Variants in NEB observed in about 807,000 individuals in gnomAD.
NEB encodes nebulin, also known as nemaline myopathy type 2.
NEB carries 512 observed loss-of-function variants against 952.2 expected under a neutral mutation model. The observed-to-expected ratio is 0.54, with a 90% CI of 0.50 to 0.58. The LOEUF (loss-of-function observed/expected upper bound fraction) is 0.58. NEB is among the 20% of genes least tolerant of loss of function. The pLI is 0.00. For missense variants in NEB, 8,428 were observed against 9,231.1 expected (o/e 0.91, Z 3.56); for synonymous variants, 2,900 against 3,149.8 (o/e 0.92, Z 2.66).
chr2:151,727,312 C>A (rs1392201377), intron 5 of NEB, among the ~76,000 whole-genome samples: 2 of 152,140 alleles, frequency 1.3e-5, no homozygotes, highest in Non-Finnish European at 2.9e-5. Flanking sequence ...GTTAGCTAGT[C>A]TACTAAGAAG....
At chr2:151,709,448 C>A (rs2099737335) in intron 12 of NEB, among the ~76,000 whole-genome samples, 1 of 152,110 alleles carries the variant, frequency 6.6e-6, no homozygotes, top group Non-Finnish European at 1.5e-5. Context: ...TTTTAGTAGC[C>A]CCATTATAAT....
chr2:151,689,940 A>T (rs1196408462), intron 24 of NEB: 1 of 152,240 alleles, frequency 6.6e-6, no homozygotes, highest in African/African-American at 2.4e-5. Context: ...ATAGTAGGAC[A>T]AACTGTATCT....
intron 179 of NEB, 80 bp from the exon 180 acceptor site, chr2:151,490,598 G>C (rs1302288461): frequency 1.3e-6 from 2 of 1,491,002 alleles, no homozygotes; most frequent in African/African-American, 2.8e-5. Context: ...TTGAATCTCA[G>C]TTATTGTTAT....
chr2:151,568,084 T>A lies in NEB; in HGVS notation c.17831A>T (p.Asp5944Val). 6.2e-7 allele frequency: 1 copy of A among 1,613,322 alleles called. No individual in the cohort carries two copies. The highest frequency in any genetic ancestry group is 8.5e-7 in the Non-Finnish European group (1 of 1,179,526). ...VPFVHAHHCN[D>V]VQSELKYKAE... is the part of the protein sequence containing the mutation. ...AGGATGTATTACCTCACTCTGAACGTCATTGCAGTGATGGGCATGAACAAA... is the reference window on the plus strand; with the variant it reads ...AGGATGTATTACCTCACTCTGAACGACATTGCAGTGATGGGCATGAACAAA... The change falls in exon 113 of 182, where the codon GAC (aspartate) becomes GTC (valine). Residue 5944 changes from aspartate (D) to valine (V), a missense_variant. Asp to Val is a radical substitution (Grantham distance 152). Coordinates refer to ENST00000397345, the MANE Select transcript of NEB (RefSeq NM_001164508.2).
rs777492745 is a variant in NEB at position 151,671,117 on chromosome 2, T to G, written c.4412A>C (p.Lys1471Thr). Residue 1471 changes from lysine to threonine, a missense_variant, in exon 38 of 182, where the codon AAG becomes ACG. Transcript: ENST00000397345. Reference sequence around the variant, plus strand: ...GACGGTATCTGGGTGCTGTCGATACTTCCTCTCATTTAATGCATCGCCTGC... The same window carrying G: ...GACGGTATCTGGGTGCTGTCGATACGTCCTCTCATTTAATGCATCGCCTGC... Reference protein sequence around the residue: ...KKAGDALNERKYRQHPDTVKF... With the variant: ...KKAGDALNERTYRQHPDTVKF... The G allele has an allele frequency of 6.2e-7, 1 of 1,613,966 alleles. No individual in the cohort carries two copies. Among genetic ancestry groups the G allele is most frequent in the South Asian group, 1.1e-5 (1 of 91,078 alleles).
chr2:151,551,903 T>TA (rs901918992), intron 128 of NEB, 58 bp from the exon 129 acceptor site: 78 of 1,214,624 alleles, frequency 6.4e-5, no homozygotes, highest in Non-Finnish European at 7.7e-5. Context: ...GGTTCCTCTT[T>TA]AAAAAAAATA....
chr2:151,579,080 C>CAAAAAAAAA (rs1159995102), intron 105 of NEB, among the ~76,000 whole-genome samples: 5 of 31,692 alleles, frequency 1.6e-4, no homozygotes, highest in Non-Finnish European at 2.2e-4. Context: ...GACTCCATCT[C>CAAAAAAAAA]AAAAAAAAAA....
At chr2:151,614,205 A>T in intron 77 of NEB, 71 bp downstream of exon 77, 1 of 1,548,482 alleles carries the variant, frequency 6.5e-7, no homozygotes, top group South Asian at 1.2e-5. Flanking sequence ...CAGACTGTGG[A>T]AAGATTCCAT....
chr2:151,650,062 G>T (rs2099013972), intron 54 of NEB, 114 bp downstream of exon 54: 2 of 912,408 alleles, frequency 2.2e-6, no homozygotes, highest in Admixed American at 2.4e-5. Flanking sequence ...AAAATTTTAT[G>T]TGGTGATGTA....
intron 164 of NEB, chr2:151,505,832 A>G (rs2068424462): frequency 1.8e-6 from 1 of 547,162 alleles, no homozygotes; most frequent in Admixed American, 3.1e-5. Context: ...CCTTTCCTGT[A>G]TACTCCAATG....
chr2:151,647,662 C>A (rs2098978090), intron 54 of NEB, among the ~76,000 whole-genome samples: 1 of 152,110 alleles, frequency 6.6e-6, no homozygotes. Context: ...ATCACAGGAA[C>A]CCACCAGAAA....
chr2:151,617,204 C>T lies in NEB; in HGVS notation c.11181+160G>A, dbSNP rs144954552. 2.4e-3 allele frequency among the ~76,000 whole-genome samples: 370 copies of T among 152,246 alleles called. 2 individuals carry two copies. The highest frequency in any genetic ancestry group is 8.4e-3 in the African/African-American group (349 of 41,534). ...AATGGTAGCCTACTTTGTGGACCCA[C>T]CACAAAGCTCAAAATTGAATCAAGT... On this transcript the variant is annotated intron_variant, in intron 75 of 181. Coordinates refer to ENST00000397345, the MANE Select transcript of NEB (RefSeq NM_001164508.2).
intron 107 of NEB, 52 bp downstream of exon 107, chr2:151,575,643 G>T: frequency 7.9e-7 from 1 of 1,259,548 alleles, no homozygotes; most frequent in Non-Finnish European, 1.2e-6. Context: ...TCATAGTATA[G>T]CCCTGACTGG....
Position 151,633,803 on chromosome 2 carries a change from G to A in NEB, c.9265C>T (p.Pro3089Ser). The A allele has an allele frequency of 6.2e-7, 1 of 1,613,898 alleles. No homozygotes were observed. Among genetic ancestry groups the A allele is most frequent in the Non-Finnish European group, 8.5e-7 (1 of 1,179,870 alleles). The change falls in exon 65 of 182, where the codon CCA (proline) becomes TCA (serine). Residue 3089 changes from proline to serine, a missense_variant. Coordinates refer to ENST00000397345, the MANE Select transcript of NEB (RefSeq NM_001164508.2). ...FEKWKTKFSS[P>S]VDMLGVVLAK... ...AGCACCACCCCCAGCATGTCCACTGGGCTGCTGAACTTGGTCTTCCACTTC... is the reference window on the plus strand; with the variant it reads ...AGCACCACCCCCAGCATGTCCACTGAGCTGCTGAACTTGGTCTTCCACTTC...
At chr2:151,495,309 G>T (rs1220165413) in intron 173 of NEB, 1 of 152,138 alleles carries the variant, frequency 6.6e-6, no homozygotes, top group Middle Eastern at 3.2e-3. Flanking sequence ...TCTCAACGTG[G>T]GGTCCTTGGA....
chr2:151,616,139 C>T (rs765448840), intron 75 of NEB, 30 bp from the exon 76 acceptor site: 8 of 1,435,176 alleles, frequency 5.6e-6, no homozygotes, highest in African/African-American at 1.4e-5. Flanking sequence ...TACTCATTTA[C>T]TCCTTCCATA....
chr2:151,548,996 C>A (rs1365599841), intron 130 of NEB, among the ~76,000 whole-genome samples: 1 of 152,216 alleles, frequency 6.6e-6, no homozygotes, highest in South Asian at 2.1e-4. Flanking sequence ...GGGATGGCCA[C>A]GATTTCCCTA....
chr2:151,497,846 G>GACT (rs1174115270), intron 170 of NEB, 128 bp from the exon 171 acceptor site: 1 of 1,518,360 alleles, frequency 6.6e-7, no homozygotes, highest in Non-Finnish European at 8.8e-7. Flanking sequence ...AAATGCCACC[G>GACT]ACTACTTTAG....
chr2:151,650,298 G>A lies in NEB; in HGVS notation c.7309C>T (p.Arg2437Trp), dbSNP rs375164626. 1.4e-4 allele frequency: 230 copies of A among 1,613,680 alleles called. 2 individuals are homozygous for A. Among genetic ancestry groups the A allele is most frequent in the Middle Eastern group, 4.9e-4 (3 of 6,084 alleles). ...LGSLEAEKNK[R>W]ASEIISEKKY... ...TTCTCACTGATGATTTCCGAAGCCC[G>A]CTTGTTCTTTTCTGCCTCTAAAGAA... Residue 2437 changes from arginine to tryptophan, a missense_variant, in exon 54 of 182, where the codon CGG (arginine) becomes TGG (tryptophan). Physicochemically the swap from Arg to Trp is moderately radical, Grantham distance 101. Coordinates refer to ENST00000397345, the MANE Select transcript of NEB (RefSeq NM_001164508.2).
Sources: gnomAD v4.1 joint callset for allele counts (sites outside exome capture counted in the v4.1 genomes callset) on GRCh38, gnomAD v4.1.1 for gene constraint, MANE v1.5 for transcripts, NCBI Gene and HGNC (gene_info 2026-07-23, HGNC 2026-07-21) for gene names.